The following CDYL2 variants were observed in gnomAD, a reference collection of about 807,000 sequenced individuals.
CDYL2 encodes chromodomain Y-like protein 2.
CDYL2 carries 23 observed loss-of-function variants against 49.4 expected under a neutral mutation model. That is an observed-to-expected ratio of 0.47 (90% confidence interval 0.34 to 0.66). The LOEUF (loss-of-function observed/expected upper bound fraction) is 0.66, where lower values mean the gene tolerates loss of function less well. CDYL2 is among the 30% of genes least tolerant of loss of function. The probability of loss-of-function intolerance (pLI) is 0.01; values close to 1 mark genes in which losing one functional copy is unlikely to be tolerated. For synonymous variants in CDYL2, 360 were observed against 268.8 expected (o/e 1.34, Z -3.32); for missense variants, 678 against 656.4 (o/e 1.03, Z -0.36).
intron 6 of CDYL2, among the ~76,000 whole-genome samples, chr16:80,606,631 CCT>C (rs111496674): frequency 3.6e-4 from 55 of 152,312 alleles, no homozygotes; most frequent in Middle Eastern, 3.4e-3. Context: ...ATCAACCACC[CCT>C]GTTTGCCCAC....
intron 1 of CDYL2, chr16:80,738,677 A>G (rs1485580978): frequency 1.3e-5 from 2 of 152,250 alleles, no homozygotes; most frequent in African/African-American, 4.8e-5. Flanking sequence ...AAAATATGCT[A>G]CAATTAACTG....
intron 2 of CDYL2, chr16:80,639,835 T>A (rs1032372067): frequency 4.8e-6 from 2 of 419,584 alleles, no homozygotes; most frequent in Non-Finnish European, 4.7e-6. Flanking sequence ...TTGTGAGGCA[T>A]TGAACTCACT....
chr16:80,676,801 C>A (rs1454622427), intron 2 of CDYL2, among the ~76,000 whole-genome samples: 1 of 152,044 alleles, frequency 6.6e-6, no homozygotes, highest in Admixed American at 6.5e-5. Flanking sequence ...TCCCATTTTC[C>A]TGTTCTCCAT....
intron 6 of CDYL2, among the ~76,000 whole-genome samples, chr16:80,606,074 C>T (rs367642686): frequency 3.3e-4 from 51 of 152,358 alleles, no homozygotes; most frequent in African/African-American, 1.2e-3. Context: ...TCCTGAAATG[C>T]CCTCAAACAG....
intron 2 of CDYL2, among the ~76,000 whole-genome samples, chr16:80,637,504 C>G (rs1038016768): frequency 6.6e-6 from 1 of 151,886 alleles, no homozygotes; most frequent in Non-Finnish European, 1.5e-5. Context: ...ATAGAAAGTA[C>G]GAAAGAACTG....
intron 1 of CDYL2, among the ~76,000 whole-genome samples, chr16:80,759,311 G>A (rs183629410): frequency 1.3e-4 from 19 of 151,658 alleles, no homozygotes; most frequent in African/African-American, 4.6e-4. Context: ...TTTCCACAGT[G>A]AATGGAGATG....
rs554443034 is a variant in CDYL2, at chr16:80,787,442, G to C, written c.24+16708C>G. ...TTAGGAAGTTTCCTAGGAGGTACTG[G>C]GTGATCATAAGGATACATACACTGG... On this transcript the variant is annotated intron_variant, in intron 1 of 6. Transcript: ENST00000570137. Among the ~76,000 whole-genome samples, 9 of 152,288 alleles carry C rather than the reference G, an allele frequency of 5.9e-5. No individual in the cohort carries two copies. In the East Asian group the frequency reaches 1.3e-3, roughly 23 times the overall value.
rs530546394 is a variant in CDYL2 at position 80,644,619 on chromosome 16, G to A, written c.617-11383C>T. ...TCACATGGCAGTGGCAAGAGAAAAT[G>A]AGGAAGATGCAAAGGCGGAAACCCC... On this transcript the variant is annotated intron_variant, in intron 2 of 6. Transcript: ENST00000570137. Among the ~76,000 whole-genome samples the A allele has an allele frequency of 2.6e-5, 4 of 152,328 alleles. No homozygotes were observed. The East Asian group carries it at 7.7e-4, about 29-fold the overall frequency.
At chr16:80,649,255 AAAC>A (rs1156896005) in intron 2 of CDYL2, among the ~76,000 whole-genome samples, 2 of 152,180 alleles carry the variant, frequency 1.3e-5, no homozygotes, top group Non-Finnish European at 2.9e-5. Context: ...ACTCCACACC[AAAC>A]AACTATTAGA....
At chr16:80,702,611 GT>G (rs1392545496) in intron 1 of CDYL2, among the ~76,000 whole-genome samples, 3 of 152,116 alleles carry the variant, frequency 2.0e-5, no homozygotes, top group Non-Finnish European at 4.4e-5. Flanking sequence ...TTAGCTGGGT[GT>G]GGTGGCTCAT....
chr16:80,690,538 C>A (rs1324512137), intron 1 of CDYL2, among the ~76,000 whole-genome samples: 1 of 152,038 alleles, frequency 6.6e-6, no homozygotes, highest in African/African-American at 2.4e-5. Flanking sequence ...CTGAGGCACC[C>A]AGAAGTTATG....
At chr16:80,759,050 T>C (rs1281323492) in intron 1 of CDYL2, among the ~76,000 whole-genome samples, 1 of 145,170 alleles carries the variant, frequency 6.9e-6, no homozygotes, top group South Asian at 2.1e-4. Context: ...CTAAGACATA[T>C]GACCCCATAT....
intron 2 of CDYL2, among the ~76,000 whole-genome samples, chr16:80,658,763 T>G (rs1438546048): frequency 3.9e-5 from 6 of 152,040 alleles, no homozygotes; most frequent in Non-Finnish European, 8.8e-5. Flanking sequence ...CACATGTTGG[T>G]TTCTAAATAA....
chr16:80,628,647 T>C (rs74892641), intron 3 of CDYL2, among the ~76,000 whole-genome samples: 5,372 of 150,634 alleles, frequency 0.036, 99 homozygotes, highest in Non-Finnish European at 0.041. Flanking sequence ...TGTTTTAAAA[T>C]GCTAAGTTTA....
intron 2 of CDYL2, chr16:80,639,542 G>A (rs1413288290): frequency 1.7e-5 from 6 of 352,404 alleles, no homozygotes; most frequent in Admixed American, 7.7e-5. Context: ...ATGAGGGAAT[G>A]GAGCAAGATG....
chr16:80,694,178 C>T (rs1910530542), intron 1 of CDYL2, among the ~76,000 whole-genome samples: 1 of 152,194 alleles, frequency 6.6e-6, no homozygotes, highest in Non-Finnish European at 1.5e-5. Flanking sequence ...ACCCAAATCC[C>T]TTGCATGCGC....
At chr16:80,769,122 G>A (rs1172385437) in intron 1 of CDYL2, among the ~76,000 whole-genome samples, 1 of 152,042 alleles carries the variant, frequency 6.6e-6, no homozygotes, top group East Asian at 1.9e-4. Flanking sequence ...CCAGTCCATG[G>A]GCTACAGCCA....
At chr16:80,689,873 C>G (rs372351188) in intron 1 of CDYL2, among the ~76,000 whole-genome samples, 1 of 152,254 alleles carries the variant, frequency 6.6e-6, no homozygotes, top group African/African-American at 2.4e-5. Context: ...GTAATCCCAG[C>G]ACTTTGGGAG....
chr16:80,752,001 G>C (rs1906153731), intron 1 of CDYL2, among the ~76,000 whole-genome samples: 1 of 151,998 alleles, frequency 6.6e-6, no homozygotes. Flanking sequence ...CAAGAAGCAG[G>C]ACCAAGTGTC....
Sources: gnomAD v4.1 joint callset for allele counts (sites outside exome capture counted in the v4.1 genomes callset) on GRCh38, gnomAD v4.1.1 for gene constraint, MANE v1.5 for transcripts, NCBI Gene and HGNC (gene_info 2026-07-23, HGNC 2026-07-21) for gene names.